Variants in FLRT2 observed in about 807,000 individuals in gnomAD.
The protein encoded by FLRT2 is leucine-rich repeat transmembrane protein FLRT2.
A neutral mutation model predicts 40.0 loss-of-function variants in FLRT2; 15 were observed. That is an observed-to-expected ratio of 0.38 (90% confidence interval 0.25 to 0.58). The LOEUF (loss-of-function observed/expected upper bound fraction) is 0.58, where lower values mean the gene tolerates loss of function less well. FLRT2 is among the 20% of genes least tolerant of loss of function. The probability of loss-of-function intolerance (pLI) is 0.71; values close to 1 mark genes in which losing one functional copy is unlikely to be tolerated. For synonymous variants in FLRT2, 380 were observed against 336.8 expected (o/e 1.13, Z -1.41); for missense variants, 726 against 840.0 (o/e 0.86, Z 1.68).
At chr14:85,542,723 G>C (rs1478919705) in intron 1 of FLRT2, among the ~76,000 whole-genome samples, 1 of 152,118 alleles carries the variant, frequency 6.6e-6, no homozygotes, top group African/African-American at 2.4e-5. Context: ...CAAGTCCAGT[G>C]GTGCTGACAG....
chr14:85,611,298 A>G (rs1892846583), intron 1 of FLRT2, among the ~76,000 whole-genome samples: 1 of 152,196 alleles, frequency 6.6e-6, no homozygotes. Context: ...TTGCCTGATG[A>G]ATAAATGCAT....
intron 1 of FLRT2, among the ~76,000 whole-genome samples, chr14:85,602,296 A>G (rs1956632): frequency 0.17 from 25,302 of 152,182 alleles, 2,663 homozygotes; most frequent in East Asian, 0.55. Context: ...TTCTCAAAGT[A>G]ACCATTTTGC....
At chr14:85,542,559 G>A (rs1889039541) in intron 1 of FLRT2, among the ~76,000 whole-genome samples, 1 of 152,110 alleles carries the variant, frequency 6.6e-6, no homozygotes, top group African/African-American at 2.4e-5. Context: ...TATTTTGTAA[G>A]CTGTTAACAT....
intron 1 of FLRT2, among the ~76,000 whole-genome samples, chr14:85,543,715 TCTTGATACTTTGC>T (rs1889112954): frequency 6.6e-6 from 1 of 152,116 alleles, no homozygotes; most frequent in Non-Finnish European, 1.5e-5. Context: ...GGCATGGCCC[TCTTGATACTTTGC>T]CTTTCCCATG....
chr14:85,568,882 T>G (rs1222880574), intron 1 of FLRT2, among the ~76,000 whole-genome samples: 1 of 152,206 alleles, frequency 6.6e-6, no homozygotes, highest in African/African-American at 2.4e-5. Context: ...CAGTGCCTGG[T>G]GTATATCAGC....
At chr14:85,558,541 G>A (rs1338785172) in intron 1 of FLRT2, among the ~76,000 whole-genome samples, 9 of 152,162 alleles carry the variant, frequency 5.9e-5, no homozygotes, top group African/African-American at 2.2e-4. Context: ...GAGACATGAG[G>A]AGAATTGAAA....
rs1337713894 is a variant in FLRT2, at chr14:85,640,626, T to C, written c.*17129T>C. On this transcript the variant is annotated 3_prime_UTR_variant, in exon 2 of 2. Transcript: ENST00000330753. ...GAACTACTTGCTGCCATAAATTTTTTACTATTGAATAAATATGCTTTGTGA... is the reference window on the plus strand; with the variant it reads ...GAACTACTTGCTGCCATAAATTTTTCACTATTGAATAAATATGCTTTGTGA... 6.6e-6 allele frequency: 1 copy of C among 152,194 alleles called. No homozygotes were observed. The highest frequency in any genetic ancestry group is 2.4e-5 in the African/African-American group (1 of 41,452). 9.4% of individuals were successfully genotyped at this position (152,194 alleles called of 1,614,324 possible).
At chr14:85,544,016 G>A (rs898618071) in intron 1 of FLRT2, among the ~76,000 whole-genome samples, 2 of 152,216 alleles carry the variant, frequency 1.3e-5, no homozygotes, top group African/African-American at 2.4e-5. Context: ...CTGCAAAAAT[G>A]TAATTGAGTT....
At chr14:85,580,006 A>T (rs1891314812) in intron 1 of FLRT2, among the ~76,000 whole-genome samples, 1 of 147,054 alleles carries the variant, frequency 6.8e-6, no homozygotes, top group South Asian at 2.1e-4. Context: ...TTGTCCTTGA[A>T]CATTCTCCAG....
At chr14:85,592,257 C>G (rs1333523680) in intron 1 of FLRT2, among the ~76,000 whole-genome samples, 1 of 152,038 alleles carries the variant, frequency 6.6e-6, no homozygotes, top group Non-Finnish European at 1.5e-5. Context: ...TGGTAGCTCC[C>G]CTTTCTTCTG....
At chr14:85,591,483 A>C (rs977868506) in intron 1 of FLRT2, among the ~76,000 whole-genome samples, 2 of 152,210 alleles carry the variant, frequency 1.3e-5, no homozygotes, top group Non-Finnish European at 2.9e-5. Flanking sequence ...TTTGAAGTAC[A>C]TTGTCTTGTG....
intron 1 of FLRT2, among the ~76,000 whole-genome samples, chr14:85,608,169 TG>T (rs1303642369): frequency 1.1e-4 from 16 of 152,136 alleles, no homozygotes; most frequent in Non-Finnish European, 2.1e-4. Flanking sequence ...GAGTTTTGGG[TG>T]GGAACAGTTT....
In FLRT2 at chr14:85,534,609, C is replaced by CTG. The variant is rs1888527438; in HGVS notation, c.-377+4084_-377+4085dup. Among the ~76,000 whole-genome samples the CTG allele has an allele frequency of 2.0e-5, 3 of 150,546 alleles. No homozygotes were observed. The South Asian group carries it at 6.3e-4, about 32-fold the overall frequency. On this transcript the variant is annotated intron_variant, in intron 1 of 1. Coordinates refer to ENST00000330753, the MANE Select transcript of FLRT2 (RefSeq NM_013231.6). ...TTGCCACGACTGTCCGTATGTGTGT[C>CTG]TGTGTGTGTGCGTGTGTTTGGGGGA...
chr14:85,593,594 A>G (rs191957899), intron 1 of FLRT2, among the ~76,000 whole-genome samples: 37 of 152,346 alleles, frequency 2.4e-4, no homozygotes, highest in African/African-American at 6.5e-4. Flanking sequence ...CTCAGAGCCA[A>G]TGAATAATGT....
rs1894174734 is a variant in FLRT2, at chr14:85,642,554, A to G, written c.*19057A>G. On this transcript the variant is annotated 3_prime_UTR_variant, in exon 2 of 2. Transcript: ENST00000330753. ...AAACTGGGAAGAAAAGGCTAAAATA[A>G]CAACAAAAAAACGGCAATAGTTTGT... 1 of 136,510 alleles carries G rather than the reference A, an allele frequency of 7.3e-6. No individual in the cohort carries two copies. Among genetic ancestry groups the G allele is most frequent in the Non-Finnish European group, 1.5e-5 (1 of 67,916 alleles). The allele number at this position is 136,510 out of a possible 1,614,324, so 8.5% of individuals were successfully genotyped here. A position where few individuals can be genotyped will look rare whatever the true frequency, so the allele number is the denominator to read the frequency against.
At chr14:85,569,432 C>T (rs944228399) in intron 1 of FLRT2, among the ~76,000 whole-genome samples, 2 of 152,174 alleles carry the variant, frequency 1.3e-5, no homozygotes, top group Non-Finnish European at 2.9e-5. Context: ...TGTGCTGGGA[C>T]TGTGGGACCA....
chr14:85,543,817 C>CT (rs1160304191), intron 1 of FLRT2, among the ~76,000 whole-genome samples: 3 of 152,206 alleles, frequency 2.0e-5, no homozygotes, highest in Non-Finnish European at 2.9e-5. Flanking sequence ...GTGGATGACA[C>CT]TTTCCCTCCT....
At chr14:85,543,445 C>T (rs1363910579) in intron 1 of FLRT2, among the ~76,000 whole-genome samples, 4 of 151,878 alleles carry the variant, frequency 2.6e-5, no homozygotes, top group East Asian at 1.9e-4. Context: ...CTCTTGGTAG[C>T]GGCAGTCTCC....
chr14:85,574,888 T>C (rs1298211174), intron 1 of FLRT2, among the ~76,000 whole-genome samples: 1 of 152,206 alleles, frequency 6.6e-6, no homozygotes, highest in East Asian at 1.9e-4. Flanking sequence ...ATTGTACTTC[T>C]TTAGGCTCCT....
Sources: gnomAD v4.1 joint callset for allele counts (sites outside exome capture counted in the v4.1 genomes callset) on GRCh38, gnomAD v4.1.1 for gene constraint, MANE v1.5 for transcripts, NCBI Gene and HGNC (gene_info 2026-07-23, HGNC 2026-07-21) for gene names.